The following ARID2 variants were observed in gnomAD, a reference collection of about 807,000 sequenced individuals.
The protein encoded by ARID2 is AT-rich interaction domain 2, also known as AT-rich interactive domain-containing protein 2.
ARID2 carries 32 observed loss-of-function variants against 184.6 expected under a neutral mutation model. The ratio of observed to expected loss-of-function variants is 0.17; its 90% CI spans 0.13 to 0.23. The LOEUF (loss-of-function observed/expected upper bound fraction) is 0.23, where lower values mean the gene tolerates loss of function less well. ARID2 is among the 10% of genes least tolerant of loss of function. The pLI is 1.00. For synonymous variants in ARID2, 836 were observed against 772.6 expected, an observed-to-expected ratio of 1.08 and a Z score of -1.36; for missense variants, 1,696 against 2,197.6, an observed-to-expected ratio of 0.77 and a Z score of 4.56.
chr12:45,898,260 G>A (rs1944396184), intron 20 of ARID2, among the ~76,000 whole-genome samples: 1 of 152,132 alleles, frequency 6.6e-6, no homozygotes, highest in African/African-American at 2.4e-5. Flanking sequence ...TAGAACAGTG[G>A]TTACTGGGGC....
In ARID2 at chr12:45,812,346, C is replaced by T. The variant is rs115115402; in HGVS notation, c.418+795C>T. 8.2e-3 allele frequency among the ~76,000 whole-genome samples: 1,251 copies of T among 152,084 alleles called. 20 individuals carry two copies. The highest frequency in any genetic ancestry group is 0.029 in the African/African-American group (1,203 of 41,512). ...GGTTATCCTTAGATTTATACTGTCT[C>T]ATTTGTGGACTATCATCAGTATCAT... On this transcript the variant is annotated intron_variant, in intron 4 of 20. Transcript: ENST00000334344.
chr12:45,753,434 C>G (rs1162981619), intron 3 of ARID2, among the ~76,000 whole-genome samples: 1 of 152,174 alleles, frequency 6.6e-6, no homozygotes, highest in African/African-American at 2.4e-5. Context: ...GCAAGTTACT[C>G]TGCACAGTTT....
At chr12:45,871,559 A>T (rs1217665307) in intron 16 of ARID2, among the ~76,000 whole-genome samples, 1 of 151,974 alleles carries the variant, frequency 6.6e-6, no homozygotes, top group South Asian at 2.1e-4. Flanking sequence ...AGATTCTGGG[A>T]TGTAGTTTTC....
chr12:45,835,213 A>G (rs887306500), intron 6 of ARID2, among the ~76,000 whole-genome samples: 3 of 152,060 alleles, frequency 2.0e-5, no homozygotes, highest in Non-Finnish European at 2.9e-5. Context: ...GTTCTTTCAT[A>G]TAGTTTTAAT....
chr12:45,904,894 G>T, intron 20 of ARID2, 40 bp from the exon 21 acceptor site: 2 of 1,604,056 alleles, frequency 1.2e-6, no homozygotes, highest in South Asian at 2.2e-5. Flanking sequence ...TCATCGCTGT[G>T]ACCTTGGAGA....
chr12:45,749,729 C>G (rs1941423240), intron 3 of ARID2, among the ~76,000 whole-genome samples: 1 of 152,200 alleles, frequency 6.6e-6, no homozygotes, highest in South Asian at 2.1e-4. Context: ...GCTGCTTCAC[C>G]TTGCACTTTT....
intron 20 of ARID2, among the ~76,000 whole-genome samples, chr12:45,898,503 T>C (rs1944400176): frequency 6.6e-6 from 1 of 152,058 alleles, no homozygotes; most frequent in Non-Finnish European, 1.5e-5. Flanking sequence ...TTGGGGAAAA[T>C]TGGAAGTGAC....
intron 20 of ARID2, among the ~76,000 whole-genome samples, chr12:45,900,446 T>C (rs1241217545): frequency 1.3e-5 from 2 of 152,216 alleles, no homozygotes; most frequent in African/African-American, 4.8e-5. Flanking sequence ...GATTGTACCA[T>C]ATATTTTAAT....
At position 45,865,523 on chromosome 12, in the gene ARID2, T is replaced by C. The variant is rs192391080; in HGVS notation, c.4922+4574T>C. On this transcript the variant is annotated intron_variant, in intron 16 of 20. Transcript: ENST00000334344. Reference sequence around the variant, plus strand: ...GGGTTTTTTTCTTTCAATTAATTTTTCTGTAAACAAATTTATTAGGTTTTT... The same window carrying C: ...GGGTTTTTTTCTTTCAATTAATTTTCCTGTAAACAAATTTATTAGGTTTTT... Among the ~76,000 whole-genome samples, 86 of 152,278 alleles carry C rather than the reference T, an allele frequency of 5.6e-4. No individual in the cohort carries two copies. In the East Asian group the frequency reaches 6.4e-3, roughly 11 times the overall value.
chr12:45,833,330 A>G (rs1357271680), intron 6 of ARID2, among the ~76,000 whole-genome samples: 1 of 152,106 alleles, frequency 6.6e-6, no homozygotes, highest in African/African-American at 2.4e-5. Flanking sequence ...ATTTTATTTG[A>G]TTGTCCTATA....
At chr12:45,870,531 T>C (rs539141813) in intron 16 of ARID2, among the ~76,000 whole-genome samples, 1 of 152,336 alleles carries the variant, frequency 6.6e-6, no homozygotes, top group African/African-American at 2.4e-5. Flanking sequence ...CGTAATGTCA[T>C]GTCTCCAACA....
chr12:45,793,448 G>A (rs1942330185), intron 3 of ARID2, among the ~76,000 whole-genome samples: 1 of 150,552 alleles, frequency 6.6e-6, no homozygotes, highest in Non-Finnish European at 1.5e-5. Flanking sequence ...ACCTATCACT[G>A]TCTAATACTT....
At chr12:45,821,997 C>G (rs761578135) in intron 6 of ARID2, among the ~76,000 whole-genome samples, 15 of 152,202 alleles carry the variant, frequency 9.9e-5, no homozygotes, top group Non-Finnish European at 2.2e-4. Context: ...TCACTTAACA[C>G]TTGTCTAACT....
chr12:45,883,936 G>T (rs1447931141), intron 16 of ARID2, among the ~76,000 whole-genome samples: 1 of 152,120 alleles, frequency 6.6e-6, no homozygotes, highest in Non-Finnish European at 1.5e-5. Flanking sequence ...AGAACAGTGT[G>T]AACTGATGTG....
At chr12:45,740,597 G>A (rs997704303) in intron 3 of ARID2, among the ~76,000 whole-genome samples, 9 of 151,896 alleles carry the variant, frequency 5.9e-5, no homozygotes, top group African/African-American at 2.2e-4. Context: ...ATTCGCTAAT[G>A]TAACAATGGA....
At chr12:45,790,845 T>A (rs557593191) in intron 3 of ARID2, among the ~76,000 whole-genome samples, 1 of 152,290 alleles carries the variant, frequency 6.6e-6, no homozygotes, top group South Asian at 2.1e-4. Context: ...TAGATATGAT[T>A]TTTTTTAATA....
At chr12:45,900,434 C>T (rs188482607) in intron 20 of ARID2, among the ~76,000 whole-genome samples, 19 of 152,286 alleles carry the variant, frequency 1.2e-4, no homozygotes, top group Admixed American at 1.1e-3. Flanking sequence ...GGGCCTAATA[C>T]TGATTGTACC....
rs2058954759 is a variant in ARID2, at chr12:45,777,096, T to C, written c.285-34322T>C. On this transcript the variant is annotated intron_variant, in intron 3 of 20. Transcript: ENST00000334344. ...CGTGACCCATTGTGCCCAACCTCCA[T>C]CTCTATTTTTTAAATAAGATATTTT... 2.0e-5 allele frequency among the ~76,000 whole-genome samples: 3 copies of C among 151,824 alleles called. No individual in the cohort carries two copies. In the South Asian group the frequency reaches 6.2e-4, roughly 32 times the overall value.
intron 3 of ARID2, among the ~76,000 whole-genome samples, chr12:45,794,604 G>C (rs1303891783): frequency 6.6e-6 from 1 of 152,118 alleles, no homozygotes; most frequent in Non-Finnish European, 1.5e-5. Flanking sequence ...CAGTAGTTAG[G>C]GCTAATTGCA....
Sources: allele counts gnomAD v4.1 joint callset (sites outside exome capture counted in the v4.1 genomes callset), GRCh38; gene constraint gnomAD v4.1.1; transcripts MANE v1.5; gene names NCBI Gene and HGNC (gene_info 2026-07-23, HGNC 2026-07-21).